Variants in DET1 observed in about 807,000 individuals in gnomAD.
The protein encoded by DET1 is DET1 homolog.
Under a neutral mutation model 43.7 loss-of-function variants are expected in DET1, and 22 were observed. The observed-to-expected ratio is 0.50, with a 90% confidence interval of 0.36 to 0.72. The LOEUF is 0.72. DET1 is among the 30% of genes least tolerant of loss of function. The probability of loss-of-function intolerance (pLI) is 0.00; values close to 1 mark genes in which losing one functional copy is unlikely to be tolerated. For missense variants in DET1, 713 were observed against 713.3 expected (o/e 1.00, Z 0.00); for synonymous variants, 315 against 266.2 (o/e 1.18, Z -1.79).
chr15:88,511,559 G>T, downstream of DET1: 1 of 985,234 alleles, frequency 1.0e-6, no homozygotes, highest in Non-Finnish European at 1.2e-6. Context: ...TTCTTTTTCT[G>T]CCCTTCCTTC....
At chr15:88,520,693 T>C (rs1469809796) in intron 3 of DET1, among the ~76,000 whole-genome samples, 1 of 152,230 alleles carries the variant, frequency 6.6e-6, no homozygotes, top group Admixed American at 6.5e-5. Flanking sequence ...ACCTGCAAAA[T>C]ACATTGAAAA....
chr15:88,534,429 C>T (rs934191214), intron 1 of DET1, among the ~76,000 whole-genome samples: 1 of 152,180 alleles, frequency 6.6e-6, no homozygotes, highest in African/African-American at 2.4e-5. Flanking sequence ...ATTGTCTCCC[C>T]TGGTTCTCCT....
At chr15:88,518,396 AT>A (rs1215256116) in intron 3 of DET1, among the ~76,000 whole-genome samples, 1 of 152,170 alleles carries the variant, frequency 6.6e-6, no homozygotes, top group Non-Finnish European at 1.5e-5. Context: ...GAAAACTACC[AT>A]TTTCAAAGAT....
intron 3 of DET1, among the ~76,000 whole-genome samples, chr15:88,523,406 T>G (rs2056557810): frequency 6.6e-6 from 1 of 152,088 alleles, no homozygotes; most frequent in Non-Finnish European, 1.5e-5. Flanking sequence ...AAAAAAAATT[T>G]CAGCTCCCTC....
downstream of DET1, among the ~76,000 whole-genome samples, chr15:88,510,083 G>A (rs181359032): frequency 3.9e-5 from 6 of 152,324 alleles, no homozygotes; most frequent in East Asian, 7.7e-4. Context: ...ATCCTAACCT[G>A]AGTCAGGGAT....
chr15:88,541,885 C>A (rs543545649), intron 1 of DET1, among the ~76,000 whole-genome samples: 7 of 152,266 alleles, frequency 4.6e-5, no homozygotes, highest in Admixed American at 6.5e-5. Context: ...TTCGAGGAGA[C>A]GTCCCCTGTG....
chr15:88,511,179 C>T (rs958303838), downstream of DET1, among the ~76,000 whole-genome samples: 1 of 152,178 alleles, frequency 6.6e-6, no homozygotes, highest in Non-Finnish European at 1.5e-5. Flanking sequence ...TGGCAGCATT[C>T]ACACCCTCCT....
At chr15:88,520,216 C>T (rs2056452462) in intron 3 of DET1, among the ~76,000 whole-genome samples, 1 of 152,118 alleles carries the variant, frequency 6.6e-6, no homozygotes, top group African/African-American at 2.4e-5. Flanking sequence ...TAAAAAATAA[C>T]AAAAACAAAA....
chr15:88,542,721 C>G lies in DET1; in HGVS notation c.-11+3819G>C, dbSNP rs561901323. On this transcript the variant is annotated intron_variant, in intron 1 of 4. Coordinates refer to ENST00000268148, the MANE Select transcript of DET1 (RefSeq NM_001144074.3). ...CTATAAAAGACAAGCAAAAATCTTACTAATGGCTATCCAAGAGGGCAGAAA... is the reference window on the plus strand; with the variant it reads ...CTATAAAAGACAAGCAAAAATCTTAGTAATGGCTATCCAAGAGGGCAGAAA... 7.9e-5 allele frequency among the ~76,000 whole-genome samples: 12 copies of G among 152,278 alleles called. No homozygotes were observed. In the South Asian group the frequency reaches 2.1e-3, roughly 26 times the overall value.
intron 1 of DET1, chr15:88,536,288 T>G (rs1282029468): frequency 2.6e-6 from 2 of 772,020 alleles, no homozygotes; most frequent in Non-Finnish European, 4.8e-6. Flanking sequence ...GGTCTTTATC[T>G]CTTCCTGAAA....
chr15:88,515,755 T>G (rs1324263137), intron 4 of DET1, among the ~76,000 whole-genome samples: 2 of 151,802 alleles, frequency 1.3e-5, no homozygotes, highest in Non-Finnish European at 2.9e-5. Flanking sequence ...CTAGGATAGC[T>G]TGGATTTCCT....
intron 1 of DET1, among the ~76,000 whole-genome samples, chr15:88,542,239 G>C (rs967777144): frequency 7.2e-5 from 11 of 152,144 alleles, no homozygotes; most frequent in African/African-American, 2.2e-4. Context: ...CGGTAGGCCT[G>C]AGGAGGAAGC....
At chr15:88,509,162 T>C (rs1314219200), downstream of DET1, among the ~76,000 whole-genome samples, 1 of 152,000 alleles carries the variant, frequency 6.6e-6, no homozygotes, top group East Asian at 1.9e-4. Flanking sequence ...CTGGAGGAGT[T>C]TTTTAATGTG....
At position 88,531,134 on chromosome 15, in the gene DET1, T is replaced by G. The variant is rs757305718; in HGVS notation, c.572A>C (p.Tyr191Ser). 6.2e-7 allele frequency: 1 copy of G among 1,613,840 alleles called. No individual in the cohort carries two copies. Among genetic ancestry groups the G allele is most frequent in the Non-Finnish European group, 8.5e-7 (1 of 1,179,830 alleles). ...GTGAAGGTCAATGATATGGAGGGAATAGTCTTCTAGAGGGGACCGTGGGTT... is the reference window on the plus strand; with the variant it reads ...GTGAAGGTCAATGATATGGAGGGAAGAGTCTTCTAGAGGGGACCGTGGGTT... ...TPNPRSPLED[Y>S]SLHIIDLHTG... The change falls in exon 2 of 5, where the codon TAT (tyrosine) becomes TCT (serine). Residue 191 changes from tyrosine to serine, a missense_variant. Transcript: ENST00000268148. The surrounding 1 kb of genome is among the most constrained non-coding windows in gnomAD (Gnocchi z 6.2).
At chr15:88,525,951 C>T (rs1598331128) in intron 3 of DET1, among the ~76,000 whole-genome samples, 1 of 149,668 alleles carries the variant, frequency 6.7e-6, no homozygotes, top group Non-Finnish European at 1.5e-5. Context: ...GTTGGGATTA[C>T]AGGCATGAGC....
At chr15:88,521,121 C>A (rs191351277) in intron 3 of DET1, among the ~76,000 whole-genome samples, 2 of 152,192 alleles carry the variant, frequency 1.3e-5, no homozygotes, top group African/African-American at 4.8e-5. Context: ...ACCCTATTTC[C>A]AAGTACTCTG....
At chr15:88,532,714 G>C (rs1029711905) in intron 1 of DET1, among the ~76,000 whole-genome samples, 14 of 152,136 alleles carry the variant, frequency 9.2e-5, no homozygotes, top group African/African-American at 3.1e-4. Context: ...TCAACAAATG[G>C]TGTTGGGAAA....
At chr15:88,523,903 G>A (rs1429834423) in intron 3 of DET1, among the ~76,000 whole-genome samples, 3 of 143,130 alleles carry the variant, frequency 2.1e-5, no homozygotes, top group Admixed American at 7.0e-5. Context: ...GCCGCCCATC[G>A]TCTGGGATGT....
intron 4 of DET1, among the ~76,000 whole-genome samples, chr15:88,515,431 T>G (rs1358213090): frequency 6.8e-6 from 1 of 147,832 alleles, no homozygotes; most frequent in African/African-American, 2.5e-5. Flanking sequence ...CCCAGCTACT[T>G]GGGAAGCTGA....
Sources: allele counts gnomAD v4.1 joint callset (sites outside exome capture counted in the v4.1 genomes callset), GRCh38; gene constraint gnomAD v4.1.1; non-coding constraint Gnocchi (gnomAD v3.1); transcripts MANE v1.5; gene names NCBI Gene and HGNC (gene_info 2026-07-23, HGNC 2026-07-21).